NLRP8: variants seen among roughly 807,000 people sequenced by gnomAD.
NLRP8 encodes the protein NLR family pyrin domain containing 8.
In NLRP8, 86 loss-of-function variants were observed where a neutral mutation model predicts 88.7. That is an observed-to-expected ratio of 0.97 (90% CI 0.81 to 1.16). The LOEUF (loss-of-function observed/expected upper bound fraction) is 1.16, where lower values mean the gene tolerates loss of function less well. Ranked by LOEUF, NLRP8 falls within the 50% of genes most tolerant of loss-of-function variation. The pLI is 0.00. For missense variants in NLRP8, 1,342 were observed against 1,286.5 expected (o/e 1.04, Z -0.66); for synonymous variants, 504 against 494.6 (o/e 1.02, Z -0.25).
chr19:55,956,804 C>T (rs35751079), intron 3 of NLRP8, among the ~76,000 whole-genome samples: 3,939 of 152,060 alleles, frequency 0.026, 104 homozygotes, highest in South Asian at 0.096. Context: ...ATCACTCCTA[C>T]TTCTGTTTTT....
chr19:55,979,359 T>C (rs770134800), intron 8 of NLRP8, 35 bp from the exon 9 acceptor site: 1 of 1,611,078 alleles, frequency 6.2e-7, no homozygotes, highest in South Asian at 1.1e-5. Flanking sequence ...TTGTGATGAC[T>C]TCTCTGCTGT....
chr19:55,976,710 A>ATAAAGATGTATC (rs1980345221), intron 8 of NLRP8, among the ~76,000 whole-genome samples: 3 of 35,906 alleles, frequency 8.4e-5, no homozygotes, highest in South Asian at 1.7e-3. Context: ...ATATATGTAT[A>ATAAAGATGTATC]TAAAGATACA....
Position 55,976,198 on chromosome 19 carries a change from A to C in NLRP8, c.2771A>C (p.Lys924Thr), listed in dbSNP as rs1464413044. The change falls in exon 8 of 10, where the codon AAA becomes ACA. Residue 924 changes from lysine (K) to threonine (T), a missense_variant. Transcript: ENST00000291971. ...ATGATCTCTGCGCTCTGTAAAAATA[A>C]AACCCTGAAAAGTCTTGACCTAAGT... 2.5e-6 allele frequency: 4 copies of C among 1,613,808 alleles called. No homozygotes were observed. In the East Asian group the frequency reaches 6.7e-5, roughly 27 times the overall value.
intron 5 of NLRP8, among the ~76,000 whole-genome samples, chr19:55,967,868 G>A (rs543122739): frequency 6.6e-6 from 1 of 152,288 alleles, no homozygotes; most frequent in East Asian, 1.9e-4. Flanking sequence ...AAAATGCATT[G>A]TTTCCTAATC....
At chr19:55,962,039 T>C (rs893472881) in intron 3 of NLRP8, 28 bp from the exon 4 acceptor site, 1 of 1,603,884 alleles carries the variant, frequency 6.2e-7, no homozygotes. Context: ...AACGAAGAGG[T>C]GTTTTCTCTC....
chr19:55,973,113 C>G (rs141110600), intron 6 of NLRP8, among the ~76,000 whole-genome samples: 54 of 152,138 alleles, frequency 3.5e-4, no homozygotes, highest in African/African-American at 1.3e-3. Context: ...TCACCAACAC[C>G]TTTCTTTTTA....
At chr19:55,958,762 C>G (rs1979482687) in intron 3 of NLRP8, among the ~76,000 whole-genome samples, 1 of 152,146 alleles carries the variant, frequency 6.6e-6, no homozygotes, top group Non-Finnish European at 1.5e-5. Flanking sequence ...TGTTACCCAG[C>G]CTGGTCTTGA....
At chr19:55,982,501 G>A (rs1980617113) in intron 9 of NLRP8, among the ~76,000 whole-genome samples, 1 of 152,214 alleles carries the variant, frequency 6.6e-6, no homozygotes, top group South Asian at 2.1e-4. Flanking sequence ...CATAGAAACA[G>A]CACACTGGTG....
rs1979311394 is a variant in NLRP8 at position 55,955,589 on chromosome 19, C to T, written c.1531C>T (p.Gln511Ter). ...CTATGTCTTTACCCTCGTGACTTTTCAGGAATTTTTTGCGGCCTTGTTTTA... is the reference window on the plus strand; with the variant it reads ...CTATGTCTTTACCCTCGTGACTTTTTAGGAATTTTTTGCGGCCTTGTTTTA... The change falls in exon 3 of 10, where the codon CAG (glutamine) becomes TAG (stop). Residue 511 changes from glutamine to a stop codon, truncating the protein, a stop_gained. Transcript: ENST00000291971. LOFTEE classifies it high-confidence loss of function. 1.2e-6 allele frequency: 2 copies of T among 1,614,062 alleles called. No homozygotes were observed. The highest frequency in any genetic ancestry group is 1.3e-5 in the African/African-American group (1 of 74,934).
intron 1 of NLRP8, among the ~76,000 whole-genome samples, chr19:55,948,569 G>A (rs1326904098): frequency 6.6e-6 from 1 of 152,100 alleles, no homozygotes; most frequent in Non-Finnish European, 1.5e-5. Context: ...CTGAGTAGCT[G>A]GGATTACAGG....
At chr19:55,958,843 G>T (rs1287539715) in intron 3 of NLRP8, among the ~76,000 whole-genome samples, 1 of 151,796 alleles carries the variant, frequency 6.6e-6, no homozygotes, top group South Asian at 2.1e-4. Context: ...GAGCCACCGC[G>T]TCCAGCCAGG....
At chr19:55,971,836 T>C (rs1233590974) in intron 6 of NLRP8, among the ~76,000 whole-genome samples, 1 of 152,188 alleles carries the variant, frequency 6.6e-6, no homozygotes, top group East Asian at 1.9e-4. Context: ...CTATTATCAG[T>C]ATTGTTGTTA....
chr19:55,975,747 C>G (rs540583848), intron 7 of NLRP8, among the ~76,000 whole-genome samples: 1 of 148,224 alleles, frequency 6.7e-6, no homozygotes, highest in African/African-American at 2.4e-5. Context: ...AAAAAGAAAG[C>G]AAATTAGTGG....
intron 9 of NLRP8, among the ~76,000 whole-genome samples, chr19:55,984,199 C>T (rs999101929): frequency 6.6e-6 from 1 of 151,864 alleles, no homozygotes; most frequent in African/African-American, 2.4e-5. Flanking sequence ...CCTGGTAAAC[C>T]CTGGGGATTA....
intron 3 of NLRP8, among the ~76,000 whole-genome samples, chr19:55,958,564 G>A (rs565274825): frequency 1.3e-5 from 2 of 152,240 alleles, no homozygotes; most frequent in Admixed American, 1.3e-4. Flanking sequence ...CCATGCTTGT[G>A]ACATATTGTC....
intron 3 of NLRP8, 27 bp from the exon 4 acceptor site, chr19:55,962,040 G>T (rs771424025): frequency 1.8e-5 from 29 of 1,606,104 alleles, no homozygotes; most frequent in Middle Eastern, 1.7e-4. Flanking sequence ...ACGAAGAGGT[G>T]TTTTCTCTCT....
At chr19:55,959,685 C>A (rs1276180722) in intron 3 of NLRP8, among the ~76,000 whole-genome samples, 2 of 152,258 alleles carry the variant, frequency 1.3e-5, no homozygotes, top group Non-Finnish European at 2.9e-5. Flanking sequence ...AACTGGGAAA[C>A]AAGAGAGTCT....
intron 9 of NLRP8, among the ~76,000 whole-genome samples, chr19:55,987,199 A>G (rs1432782251): frequency 6.6e-6 from 1 of 151,968 alleles, no homozygotes; most frequent in African/African-American, 2.4e-5. Context: ...TGAAATCCTC[A>G]TCTCTAATAA....
intron 9 of NLRP8, among the ~76,000 whole-genome samples, chr19:55,984,541 C>G (rs1414023712): frequency 6.7e-6 from 1 of 150,226 alleles, no homozygotes. Context: ...GTGGTCCCAG[C>G]TACTTTTGAG....
Sources: gnomAD v4.1 joint callset for allele counts (sites outside exome capture counted in the v4.1 genomes callset) on GRCh38, gnomAD v4.1.1 for gene constraint, MANE v1.5 for transcripts, NCBI Gene and HGNC (gene_info 2026-07-23, HGNC 2026-07-21) for gene names.